Variants in ACTN4 observed in about 807,000 individuals in gnomAD.
ACTN4 encodes the protein alpha-actinin-4.
In ACTN4, 18 loss-of-function variants were observed where a neutral mutation model predicts 114.2. The observed-to-expected ratio is 0.16, with a 90% CI of 0.11 to 0.23. ACTN4 has a LOEUF of 0.23. Among genes scored for constraint, ACTN4 ranks in the 10% least tolerant of loss-of-function variants. The pLI, the probability that ACTN4 is intolerant of heterozygous loss-of-function variation, is 1.00. For missense variants in ACTN4, 722 were observed against 1,262.9 expected, an observed-to-expected ratio of 0.57 and a Z score of 6.49; for synonymous variants, 515 against 506.3, an observed-to-expected ratio of 1.02 and a Z score of -0.23.
At chr19:38,665,598 C>G (rs201555314) in intron 1 of ACTN4, among the ~76,000 whole-genome samples, 1 of 152,280 alleles carries the variant, frequency 6.6e-6, no homozygotes, top group East Asian at 1.9e-4. Flanking sequence ...GCCCAGCCAG[C>G]AACTTCGAAG....
intron 1 of ACTN4, among the ~76,000 whole-genome samples, chr19:38,657,334 G>T (rs897623830): frequency 1.4e-4 from 21 of 152,198 alleles, no homozygotes; most frequent in Admixed American, 1.2e-3. Context: ...GTAGAGACAG[G>T]GTTTCACCAT....
At chr19:38,663,157 C>T (rs1256653471) in intron 1 of ACTN4, among the ~76,000 whole-genome samples, 2 of 152,090 alleles carry the variant, frequency 1.3e-5, no homozygotes, top group Non-Finnish European at 2.9e-5. Flanking sequence ...GTGATCCACC[C>T]GCCTCAGCCT....
chr19:38,694,551 C>T (rs762494968), intron 1 of ACTN4, among the ~76,000 whole-genome samples: 22 of 152,080 alleles, frequency 1.4e-4, no homozygotes, highest in Non-Finnish European at 2.6e-4. Context: ...CGAGCCACTG[C>T]GCCCGGCCCT....
At chr19:38,700,206 A>G (rs1333143801) in intron 1 of ACTN4, among the ~76,000 whole-genome samples, 3 of 152,058 alleles carry the variant, frequency 2.0e-5, no homozygotes, top group Non-Finnish European at 4.4e-5. Flanking sequence ...GTGCTCAGTC[A>G]TGTTTGTGTG....
chr19:38,665,958 G>A (rs1966945612), intron 1 of ACTN4, among the ~76,000 whole-genome samples: 1 of 152,134 alleles, frequency 6.6e-6, no homozygotes, highest in African/African-American at 2.4e-5. Flanking sequence ...TGATGTAGAA[G>A]CAGGAAGGGC....
chr19:38,663,814 G>A (rs1156292997), intron 1 of ACTN4, among the ~76,000 whole-genome samples: 3 of 152,180 alleles, frequency 2.0e-5, no homozygotes, highest in African/African-American at 7.2e-5. Flanking sequence ...CCATTCATGC[G>A]TCCTGTCACT....
chr19:38,731,434 A>T lies in ACTN4; in HGVS notation c.*2002A>T. 1.7e-6 allele frequency: 1 copy of T among 595,370 alleles called. No homozygotes were observed. The highest frequency in any genetic ancestry group is 2.8e-5 in the Admixed American group (1 of 36,094). The allele number at this position is 595,370 out of a possible 1,614,324, so 36.9% of individuals were successfully genotyped here. A position where few individuals can be genotyped will look rare whatever the true frequency, so the allele number is the denominator to read the frequency against. ...AACGGACTAAGACAGCCCCGACCCC[A>T]TAGGGTGTGTGAAGACAGAACGCTC... On this transcript the variant is annotated 3_prime_UTR_variant, in exon 21 of 21. Coordinates refer to ENST00000252699, the MANE Select transcript of ACTN4 (RefSeq NM_004924.6).
At chr19:38,662,038 T>C (rs1976903983) in intron 1 of ACTN4, among the ~76,000 whole-genome samples, 1 of 152,214 alleles carries the variant, frequency 6.6e-6, no homozygotes, top group Non-Finnish European at 1.5e-5. Context: ...CCTCCTTGTT[T>C]CCTTTGGTCA....
At chr19:38,654,905 G>A (rs1976669733) in intron 1 of ACTN4, among the ~76,000 whole-genome samples, 1 of 152,138 alleles carries the variant, frequency 6.6e-6, no homozygotes, top group South Asian at 2.1e-4. Context: ...ATTTATGCAA[G>A]TGTTATCTGA....
At chr19:38,681,133 A>G (rs1201574670) in intron 1 of ACTN4, among the ~76,000 whole-genome samples, 8 of 134,016 alleles carry the variant, frequency 6.0e-5, no homozygotes, top group Non-Finnish European at 9.9e-5. Flanking sequence ...TCTCTAGAAA[A>G]AAAAAAAAAA....
At position 38,653,037 on chromosome 19, in the gene ACTN4, G is replaced by T. The variant is rs1264418079; in HGVS notation, c.162+5130G>T. On this transcript the variant is annotated intron_variant, in intron 1 of 20. Coordinates refer to ENST00000252699, the MANE Select transcript of ACTN4 (RefSeq NM_004924.6). ...AGAGGTGGAGGTTGCAGTGAGCCAA[G>T]ATCGCGCTACTGCACTCCAGCCTGA... Among the ~76,000 whole-genome samples, 4 of 148,522 alleles carry T rather than the reference G, an allele frequency of 2.7e-5. No homozygotes were observed. In the Admixed American group the frequency reaches 2.7e-4, roughly 10 times the overall value.
At chr19:38,690,003 T>A (rs563155194) in intron 1 of ACTN4, among the ~76,000 whole-genome samples, 70 of 152,180 alleles carry the variant, frequency 4.6e-4, no homozygotes, top group Non-Finnish European at 5.3e-4. Flanking sequence ...ACCTGACCAA[T>A]CAGGCAGTAA....
rs1384558248 is a variant in ACTN4, at chr19:38,730,847, A to G, written c.*1415A>G. 2 of 1,551,066 alleles carry G rather than the reference A, an allele frequency of 1.3e-6. No homozygotes were observed. The highest frequency in any genetic ancestry group is 1.7e-6 in the Non-Finnish European group (2 of 1,147,250). ...CTGAGCAGCAGGTGCGCCCATCCGGAGATCCTAGGAGAAGGTGGCCACCTC... is the reference window on the plus strand; with the variant it reads ...CTGAGCAGCAGGTGCGCCCATCCGGGGATCCTAGGAGAAGGTGGCCACCTC... On this transcript the variant is annotated 3_prime_UTR_variant, in exon 21 of 21. Coordinates refer to ENST00000252699, the MANE Select transcript of ACTN4 (RefSeq NM_004924.6).
At chr19:38,673,647 T>TTATAATTTA (rs1555826311) in intron 1 of ACTN4, among the ~76,000 whole-genome samples, 22 of 45,644 alleles carry the variant, frequency 4.8e-4, no homozygotes, top group Non-Finnish European at 9.0e-4. Flanking sequence ...TTATATATAT[T>TTATAATTTA]TATATATTTA....
At chr19:38,673,665 TATATATATTTATATATTTATA>T (rs1967259325) in intron 1 of ACTN4, among the ~76,000 whole-genome samples, 4 of 29,248 alleles carry the variant, frequency 1.4e-4, no homozygotes, top group Middle Eastern at 0.018. Flanking sequence ...TTATATATAT[TATATATATTTATATATTTATA>T]TATATTATAT....
At chr19:38,728,431 C>G (rs1599865260) in intron 19 of ACTN4, 1 of 1,017,928 alleles carries the variant, frequency 9.8e-7, no homozygotes. Flanking sequence ...TCCTCCTCCT[C>G]CTCCTCCTCC....
chr19:38,682,601 C>T (rs1485020414), intron 1 of ACTN4, among the ~76,000 whole-genome samples: 1 of 152,208 alleles, frequency 6.6e-6, no homozygotes, highest in Non-Finnish European at 1.5e-5. Context: ...CCCAAGCCAC[C>T]ACCTTGCAGT....
At chr19:38,714,935 G>A (rs1968790144) in intron 9 of ACTN4, among the ~76,000 whole-genome samples, 1 of 152,202 alleles carries the variant, frequency 6.6e-6, no homozygotes, top group South Asian at 2.1e-4. Context: ...GAGGGGCCTG[G>A]GAACCAATAG....
intron 1 of ACTN4, among the ~76,000 whole-genome samples, chr19:38,680,234 T>G (rs1394599473): frequency 0.014 from 943 of 69,768 alleles, 28 homozygotes; most frequent in African/African-American, 0.033. Flanking sequence ...TTTTTTTTTT[T>G]TTTTTTTTTT....
Sources: gnomAD v4.1 joint callset for allele counts (sites outside exome capture counted in the v4.1 genomes callset) on GRCh38, gnomAD v4.1.1 for gene constraint, MANE v1.5 for transcripts, NCBI Gene and HGNC (gene_info 2026-07-23, HGNC 2026-07-21) for gene names.